RBFOX1: variants seen among roughly 807,000 people sequenced by gnomAD.
The protein encoded by RBFOX1 is RNA binding protein fox-1 homolog 1.
In RBFOX1, 8 loss-of-function variants were observed where a neutral mutation model predicts 57.7. The ratio of observed to expected loss-of-function variants is 0.14; its 90% CI spans 0.08 to 0.25. RBFOX1 has a LOEUF of 0.25. Among genes scored for constraint, RBFOX1 ranks in the 10% least tolerant of loss-of-function variants. The probability of loss-of-function intolerance (pLI) is 1.00; values close to 1 mark genes in which losing one functional copy is unlikely to be tolerated. For missense variants in RBFOX1, 611 were observed against 548.5 expected (o/e 1.11, Z -1.14); for synonymous variants, 326 against 222.4 (o/e 1.47, Z -4.15).
chr16:7,648,737 T>C (rs1305995608), intron 11 of RBFOX1, among the ~76,000 whole-genome samples: 1 of 152,172 alleles, frequency 6.6e-6, no homozygotes, highest in African/African-American at 2.4e-5. Context: ...GTGTTACCTG[T>C]CTGGGGCCAA....
intron 2 of RBFOX1, among the ~76,000 whole-genome samples, chr16:6,460,827 C>CGAAAAAAAAA (rs2094900762): frequency 7.1e-6 from 1 of 141,336 alleles, no homozygotes; most frequent in African/African-American, 2.6e-5. Flanking sequence ...TTCAGAATAC[C>CGAAAAAAAAA]AAAAAAAAAA....
At chr16:6,976,616 TAAGAGG>T (rs538937688) in intron 3 of RBFOX1, among the ~76,000 whole-genome samples, 199 of 151,568 alleles carry the variant, frequency 1.3e-3, no homozygotes, top group Admixed American at 4.6e-3. Flanking sequence ...TTCCCGAAAG[TAAGAGG>T]AAGAACGCAT....
intron 1 of RBFOX1, among the ~76,000 whole-genome samples, chr16:6,211,099 TACTC>T (rs2097293945): frequency 7.1e-6 from 1 of 140,192 alleles, no homozygotes; most frequent in Non-Finnish European, 1.6e-5. Context: ...CTTAGACCCT[TACTC>T]CAGGGGATGT....
chr16:7,388,081 C>G (rs767837127), intron 4 of RBFOX1, among the ~76,000 whole-genome samples: 17 of 150,966 alleles, frequency 1.1e-4, no homozygotes, highest in Non-Finnish European at 2.4e-4. Context: ...AAAATTGTTT[C>G]TTTTGCCTTT....
intron 4 of RBFOX1, among the ~76,000 whole-genome samples, chr16:7,088,097 A>G (rs751911837): frequency 6.6e-6 from 1 of 152,112 alleles, no homozygotes; most frequent in Non-Finnish European, 1.5e-5. Context: ...CTGCAATTTT[A>G]TTTTCAGTTG....
intron 2 of RBFOX1, among the ~76,000 whole-genome samples, chr16:6,638,047 G>A (rs2098459327): frequency 6.6e-6 from 1 of 151,966 alleles, no homozygotes; most frequent in Admixed American, 6.6e-5. Context: ...CACCTTTAGG[G>A]GTAGACTAAA....
intron 4 of RBFOX1, among the ~76,000 whole-genome samples, chr16:5,940,509 G>A (rs2059257850): frequency 6.6e-6 from 1 of 152,160 alleles, no homozygotes; most frequent in Non-Finnish European, 1.5e-5. Flanking sequence ...GATCTATGGG[G>A]ATATTAAGAT....
At chr16:5,305,702 G>T (rs1442584216) in intron 1 of RBFOX1, among the ~76,000 whole-genome samples, 1 of 152,152 alleles carries the variant, frequency 6.6e-6, no homozygotes, top group African/African-American at 2.4e-5. Flanking sequence ...CATGCAGATG[G>T]ACACTTCTGG....
intron 1 of RBFOX1, among the ~76,000 whole-genome samples, chr16:5,262,134 C>A (rs191883179): frequency 2.5e-4 from 38 of 152,160 alleles, no homozygotes; most frequent in Non-Finnish European, 4.1e-4. Flanking sequence ...GCAGGGAAGG[C>A]TTAGTTAAGA....
chr16:7,397,222 T>A (rs530915771), intron 4 of RBFOX1, among the ~76,000 whole-genome samples: 2 of 152,366 alleles, frequency 1.3e-5, no homozygotes, highest in East Asian at 3.9e-4. Context: ...GGAAGAGATT[T>A]CGAAGTGAAG....
intron 2 of RBFOX1, among the ~76,000 whole-genome samples, chr16:6,616,003 A>G (rs570561346): frequency 4.6e-5 from 7 of 152,250 alleles, no homozygotes; most frequent in African/African-American, 1.7e-4. Flanking sequence ...TTCTGAATCC[A>G]TATATAGACG....
intron 2 of RBFOX1, among the ~76,000 whole-genome samples, chr16:6,599,214 A>T (rs1442548753): frequency 6.8e-6 from 1 of 146,982 alleles, no homozygotes; most frequent in African/African-American, 2.7e-5. Context: ...GTTGCAAATC[A>T]TTATCCAGAA....
intron 2 of RBFOX1, among the ~76,000 whole-genome samples, chr16:5,494,267 C>G (rs773869406): frequency 6.6e-6 from 1 of 152,200 alleles, no homozygotes; most frequent in Non-Finnish European, 1.5e-5. Flanking sequence ...TCTAGACATT[C>G]GGATTCCAGT....
intron 10 of RBFOX1, among the ~76,000 whole-genome samples, chr16:7,611,761 C>A (rs2057514259): frequency 6.6e-6 from 1 of 152,070 alleles, no homozygotes; most frequent in Admixed American, 6.5e-5. Context: ...TCACACGTGC[C>A]TTCCAGAGGA....
chr16:6,679,875 C>CTTT (rs2058348113), intron 3 of RBFOX1, among the ~76,000 whole-genome samples: 1 of 96,586 alleles, frequency 1.0e-5, no homozygotes, highest in African/African-American at 5.3e-5. Context: ...ATAGTTTCTA[C>CTTT]TTGTTTTTTT....
intron 4 of RBFOX1, among the ~76,000 whole-genome samples, chr16:7,499,655 A>G (rs1016175): frequency 0.12 from 17,806 of 152,214 alleles, 1,582 homozygotes; most frequent in African/African-American, 0.25. Flanking sequence ...GTAAGTGAAG[A>G]GGATGAATGC....
chr16:7,083,134 G>A lies in RBFOX1; in HGVS notation c.27+31036G>A, dbSNP rs1483585978. Among the ~76,000 whole-genome samples the A allele has an allele frequency of 2.0e-5, 3 of 152,236 alleles. No individual in the cohort carries two copies. The East Asian group carries it at 5.8e-4, about 29-fold the overall frequency. ...AGGAATTGATTGAATCATCAATTTGGTTATGAGCAGAATTTAAAACATAGA... is the reference window on the plus strand; with the variant it reads ...AGGAATTGATTGAATCATCAATTTGATTATGAGCAGAATTTAAAACATAGA... On this transcript the variant is annotated intron_variant, in intron 4 of 15. Coordinates refer to ENST00000550418, the MANE Select transcript of RBFOX1 (RefSeq NM_018723.4).
intron 2 of RBFOX1, among the ~76,000 whole-genome samples, chr16:6,572,029 A>G (rs1211712005): frequency 1.3e-5 from 2 of 152,198 alleles, no homozygotes; most frequent in East Asian, 1.9e-4. Flanking sequence ...GTATAAGTAT[A>G]CAGTTTTGTC....
chr16:6,237,082 C>G (rs986890927), intron 1 of RBFOX1, among the ~76,000 whole-genome samples: 1 of 152,108 alleles, frequency 6.6e-6, no homozygotes, highest in African/African-American at 2.4e-5. Context: ...AGGAAGTCTT[C>G]GGGTTTGCTT....
Sources: gnomAD v4.1 joint callset for allele counts (sites outside exome capture counted in the v4.1 genomes callset) on GRCh38, gnomAD v4.1.1 for gene constraint, MANE v1.5 for transcripts, NCBI Gene and HGNC (gene_info 2026-07-23, HGNC 2026-07-21) for gene names.